Variants in TM9SF3 observed in about 807,000 individuals in gnomAD.
TM9SF3 encodes SM-11044-binding protein.
TM9SF3 carries 14 observed loss-of-function variants against 78.6 expected under a neutral mutation model. That is an observed-to-expected ratio of 0.18 (90% CI 0.12 to 0.28). The LOEUF (loss-of-function observed/expected upper bound fraction) is 0.28, where lower values mean the gene tolerates loss of function less well. Ranked by LOEUF, TM9SF3 falls within the 10% of genes least tolerant of loss-of-function variation. TM9SF3 has a pLI of 1.00. For missense variants in TM9SF3, 496 were observed against 721.9 expected, an observed-to-expected ratio of 0.69 and a Z score of 3.59; for synonymous variants, 231 against 241.7, an observed-to-expected ratio of 0.96 and a Z score of 0.41.
chr10:96,527,393 A>G lies in TM9SF3; in HGVS notation c.1625+20T>C, dbSNP rs3789958. 284,473 of 1,596,082 alleles carry G rather than the reference A, an allele frequency of 0.18. 27,498 individuals carry two copies. Among genetic ancestry groups the G allele is most frequent in the Admixed American group, 0.36 (20,445 of 57,264 alleles). On this transcript the variant is annotated intron_variant, in intron 13 of 14. Coordinates refer to ENST00000371142, the MANE Select transcript of TM9SF3 (RefSeq NM_020123.4). ...AAATTTAGTTTCCTAAATAAAAGGTAAAAAAATGTCTCCACTTACTTTGTT... is the reference window on the plus strand; with the variant it reads ...AAATTTAGTTTCCTAAATAAAAGGTGAAAAAATGTCTCCACTTACTTTGTT...
At chr10:96,573,302 A>G (rs1412553516) in intron 2 of TM9SF3, among the ~76,000 whole-genome samples, 18 of 152,216 alleles carry the variant, frequency 1.2e-4, no homozygotes, top group Admixed American at 3.3e-4. Flanking sequence ...ACAATCTCTA[A>G]GGTGCATCCT....
At chr10:96,583,365 C>T (rs148218966) in intron 1 of TM9SF3, among the ~76,000 whole-genome samples, 12 of 152,330 alleles carry the variant, frequency 7.9e-5, no homozygotes, top group Admixed American at 2.6e-4. Flanking sequence ...ATTCAGGGCA[C>T]GTGCCCATGA....
chr10:96,560,796 T>C (rs1806719381), intron 4 of TM9SF3: 7 of 557,092 alleles, frequency 1.3e-5, no homozygotes, highest in South Asian at 5.6e-5. Context: ...CTCAAAACTA[T>C]CAACACTAAG....
At chr10:96,543,117 C>T (rs1040295382) in intron 9 of TM9SF3, among the ~76,000 whole-genome samples, 5 of 152,082 alleles carry the variant, frequency 3.3e-5, no homozygotes, top group African/African-American at 4.8e-5. Context: ...TATGCACAAG[C>T]GTACATTAAG....
At chr10:96,523,788 G>A (rs1464392414) in intron 14 of TM9SF3, among the ~76,000 whole-genome samples, 3 of 151,856 alleles carry the variant, frequency 2.0e-5, no homozygotes, top group Non-Finnish European at 2.9e-5. Context: ...TAAACTGCAA[G>A]TGAGAGAGAG....
rs1422387432 is a variant in TM9SF3, at chr10:96,586,844, C to A, written c.-9G>T. ...CCAGGCAGCGGCCTCATCCTCCGCG[C>A]CCCTCCGGCCCGGAGCCGGCTCACC... On this transcript the variant is annotated 5_prime_UTR_variant, in exon 1 of 15. Coordinates refer to ENST00000371142, the MANE Select transcript of TM9SF3 (RefSeq NM_020123.4). 2.5e-6 allele frequency: 3 copies of A among 1,208,438 alleles called. No individual in the cohort carries two copies. The highest frequency in any genetic ancestry group is 3.1e-6 in the Non-Finnish European group (3 of 974,248). 74.9% of individuals were successfully genotyped at this position (1,208,438 alleles called of 1,614,324 possible). A position where few individuals can be genotyped will look rare whatever the true frequency, so the allele number is the denominator to read the frequency against.
intron 10 of TM9SF3, among the ~76,000 whole-genome samples, chr10:96,532,495 T>C (rs1256333898): frequency 6.6e-6 from 1 of 152,092 alleles, no homozygotes; most frequent in Non-Finnish European, 1.5e-5. Flanking sequence ...TATATCTCCG[T>C]TATCATAAAA....
chr10:96,545,616 G>A (rs929635209), intron 8 of TM9SF3, among the ~76,000 whole-genome samples: 11 of 152,112 alleles, frequency 7.2e-5, no homozygotes, highest in Admixed American at 1.3e-4. Context: ...GTGGCCGGGC[G>A]TGGTGGCTCA....
At chr10:96,522,401 A>T in intron 14 of TM9SF3, 71 bp from the exon 15 acceptor site, 2 of 1,189,280 alleles carry the variant, frequency 1.7e-6, no homozygotes, top group Non-Finnish European at 2.3e-6. Flanking sequence ...AAAACACTAA[A>T]TACTCTATGC....
intron 7 of TM9SF3, among the ~76,000 whole-genome samples, chr10:96,549,154 A>G (rs1419273269): frequency 6.6e-6 from 1 of 152,186 alleles, no homozygotes; most frequent in East Asian, 1.9e-4. Context: ...ACACTATAAC[A>G]GGCACCCACA....
rs59997092 is a variant in TM9SF3 at position 96,560,508 on chromosome 10, G to C, written c.583-772C>G. On this transcript the variant is annotated intron_variant, in intron 4 of 14. Coordinates refer to ENST00000371142, the MANE Select transcript of TM9SF3 (RefSeq NM_020123.4). ...ATGGTTGAAGTGTGGTTCAGGGCCA[G>C]TGTATATTAGTGGACAGCATTTAGT... 2,510 of 742,130 alleles carry C rather than the reference G, an allele frequency of 3.4e-3. 42 individuals carry two copies. In the African/African-American group the frequency reaches 0.037, roughly 11 times the overall value. 46.0% of individuals were successfully genotyped at this position (742,130 alleles called of 1,614,324 possible).
chr10:96,527,659 A>C (rs368669026), intron 12 of TM9SF3, 163 bp from the exon 13 acceptor site: 36 of 581,984 alleles, frequency 6.2e-5, no homozygotes, highest in African/African-American at 2.8e-4. Context: ...AACAAGGAAA[A>C]CATCTAAGAA....
At chr10:96,534,745 T>C (rs1847936114) in intron 9 of TM9SF3, among the ~76,000 whole-genome samples, 1 of 152,216 alleles carries the variant, frequency 6.6e-6, no homozygotes, top group African/African-American at 2.4e-5. Flanking sequence ...GAAAATAGTT[T>C]CTTTTTAAAA....
chr10:96,576,560 G>A lies in TM9SF3; in HGVS notation c.298+74C>T, dbSNP rs1646484931. The A allele has an allele frequency of 4.4e-6, 6 of 1,353,408 alleles. No individual in the cohort carries two copies. In the South Asian group the frequency reaches 8.9e-5, roughly 20 times the overall value. 83.8% of individuals were successfully genotyped at this position (1,353,408 alleles called of 1,614,324 possible). A position where few individuals can be genotyped will look rare whatever the true frequency, so the allele number is the denominator to read the frequency against. On this transcript the variant is annotated intron_variant, in intron 2 of 14. Transcript: ENST00000371142. ...CAACAAAGAATTATCCAACACCAGT[G>A]TCAATAGTGCCAAAATATGAAACCC...
intron 1 of TM9SF3, among the ~76,000 whole-genome samples, chr10:96,585,115 A>G (rs1229611120): frequency 6.6e-6 from 1 of 152,206 alleles, no homozygotes; most frequent in Non-Finnish European, 1.5e-5. Flanking sequence ...CCCTAATCAC[A>G]GCAGTGTAAG....
intron 9 of TM9SF3, among the ~76,000 whole-genome samples, chr10:96,538,138 C>A (rs911023040): frequency 2.0e-5 from 3 of 152,082 alleles, no homozygotes; most frequent in African/African-American, 7.2e-5. Context: ...GTAATCAAGA[C>A]AATGTGGTAT....
chr10:96,553,487 T>C (rs1180191886), intron 5 of TM9SF3, among the ~76,000 whole-genome samples: 1 of 152,218 alleles, frequency 6.6e-6, no homozygotes, highest in Non-Finnish European at 1.5e-5. Context: ...TAGGGCTTAA[T>C]AATGTATATA....
intron 1 of TM9SF3, among the ~76,000 whole-genome samples, chr10:96,580,439 G>A (rs1848553057): frequency 1.3e-5 from 2 of 152,142 alleles, no homozygotes; most frequent in South Asian, 4.2e-4. Context: ...CTAATTTTTT[G>A]TATTTTTTAG....
At chr10:96,542,544 G>T (rs1848046899) in intron 9 of TM9SF3, among the ~76,000 whole-genome samples, 1 of 152,068 alleles carries the variant, frequency 6.6e-6, no homozygotes, top group Non-Finnish European at 1.5e-5. Flanking sequence ...AAGCAACTTT[G>T]AAATACCATT....
Sources: allele counts gnomAD v4.1 joint callset (sites outside exome capture counted in the v4.1 genomes callset), GRCh38; gene constraint gnomAD v4.1.1; transcripts MANE v1.5; gene names NCBI Gene and HGNC (gene_info 2026-07-23, HGNC 2026-07-21).